TNRC6A: variants seen among roughly 807,000 people sequenced by gnomAD.
TNRC6A encodes trinucleotide repeat-containing gene 6A protein.
TNRC6A carries 44 observed loss-of-function variants against 221.2 expected under a neutral mutation model. The ratio of observed to expected loss-of-function variants is 0.20; its 90% CI spans 0.16 to 0.26. The LOEUF is 0.26. TNRC6A is among the 10% of genes least tolerant of loss of function. The pLI is 1.00. For synonymous variants in TNRC6A, 847 were observed against 838.5 expected, an observed-to-expected ratio of 1.01 and a Z score of -0.18; for missense variants, 2,199 against 2,404.4, an observed-to-expected ratio of 0.91 and a Z score of 1.79.
In TNRC6A at chr16:24,793,636, A is replaced by G. The variant is rs1470717846; in HGVS notation, c.3339A>G (p.Ala1113=). The change falls in exon 7 of 25, where the codon GCA becomes GCG. Residue 1113 remains alanine (A), a synonymous_variant. Transcript: ENST00000395799. ...GCTCCAGCTCTGTTGGTCCACAAGC[A>G]TTAAGCAAATCTGGTAAGTTATTGA... ...TWGSSSVGPQ[A]LSKSGPKSMQ... is the part of the protein sequence containing the mutation. 6.7e-7 allele frequency: 1 copy of G among 1,497,074 alleles called. No individual in the cohort carries two copies. Among genetic ancestry groups the G allele is most frequent in the South Asian group, 1.5e-5 (1 of 67,962 alleles). The allele number at this position is 1,497,074 out of a possible 1,614,324, so 92.7% of individuals were successfully genotyped here.
At position 24,671,464 on chromosome 16, in the gene TNRC6A, G is replaced by A. The variant is rs115329854; in HGVS notation, n.402+30455G>A. Among the ~76,000 whole-genome samples, 660 of 152,284 alleles carry A rather than the reference G, an allele frequency of 4.3e-3. 4 individuals are homozygous for A. Among genetic ancestry groups the A allele is most frequent in the African/African-American group, 0.015 (636 of 41,554 alleles). Reference sequence around the variant, plus strand: ...GGTGGAGGATGCTGGTTGGAATGATGGTGATGGCAATGGCTCATTTATTCA... The same window carrying A: ...GGTGGAGGATGCTGGTTGGAATGATAGTGATGGCAATGGCTCATTTATTCA... On this transcript the variant is annotated intron_variant and non_coding_transcript_variant, in intron 2 of 2. Coordinates refer to the TNRC6A transcript ENST00000566108.
At chr16:24,676,885 ACTTT>A (rs1225201354) in intron 2 of TNRC6A, among the ~76,000 whole-genome samples, 1 of 151,480 alleles carries the variant, frequency 6.6e-6, no homozygotes, top group Non-Finnish European at 1.5e-5. Flanking sequence ...TGTTCCTTTT[ACTTT>A]CTGTTTTCTT....
Position 24,823,355 on chromosome 16 carries a change from T to A in TNRC6A, c.5514-77T>A. On this transcript the variant is annotated intron_variant, in intron 24 of 24. Transcript: ENST00000395799. This position sits in a 1 kb window ranked among gnomAD's most constrained non-coding sequence, Gnocchi z 4.3. ...CTGTGGCTTTTCTAGCAGAGACAAG[T>A]TGCACCCTCACTTGTGAGTGAATGA... The A allele has an allele frequency of 1.3e-6, 2 of 1,517,082 alleles. No individual in the cohort carries two copies. Among genetic ancestry groups the A allele is most frequent in the Non-Finnish European group, 1.8e-6 (2 of 1,129,710 alleles). The allele number at this position is 1,517,082 out of a possible 1,614,324, so 94.0% of individuals were successfully genotyped here.
Position 24,729,682 on chromosome 16 carries a change from TGTCGGCGGCGGCGGCGGC to T in TNRC6A, c.-158_-141del, listed in dbSNP as rs2056565575. 11 of 677,830 alleles carry T rather than the reference TGTCGGCGGCGGCGGCGGC, an allele frequency of 1.6e-5. No individual in the cohort carries two copies. Among genetic ancestry groups the T allele is most frequent in the South Asian group, 4.7e-5 (1 of 21,138 alleles). 42.0% of individuals were successfully genotyped at this position (677,830 alleles called of 1,614,324 possible). On this transcript the variant is annotated 5_prime_UTR_variant, in exon 1 of 25. Transcript: ENST00000395799. ...GGTCTGGGGCCTGCGGCGGCGGCGG[TGTCGGCGGCGGCGGCGGC>T]GGCGGCGGCGGCGGCGGCAGCGGGT...
At chr16:24,746,857 A>C (rs2057021708) in intron 2 of TNRC6A, among the ~76,000 whole-genome samples, 1 of 152,190 alleles carries the variant, frequency 6.6e-6, no homozygotes, top group South Asian at 2.1e-4. Context: ...TCTACCTCCA[A>C]GGTGTACCCT....
chr16:24,622,521 G>A (rs776400949), intron 1 of TNRC6A, among the ~76,000 whole-genome samples: 1 of 152,122 alleles, frequency 6.6e-6, no homozygotes, highest in Non-Finnish European at 1.5e-5. Context: ...TGGAACCCAG[G>A]AGGCAGAGGT....
At chr16:24,612,151 A>T (rs934003671) in intron 1 of TNRC6A, among the ~76,000 whole-genome samples, 8 of 152,186 alleles carry the variant, frequency 5.3e-5, no homozygotes, top group African/African-American at 1.9e-4. Flanking sequence ...TCATGGCAGT[A>T]TCTGTAGCCC....
chr16:24,611,315 AC>A (rs780353127), intron 1 of TNRC6A, among the ~76,000 whole-genome samples: 12 of 152,160 alleles, frequency 7.9e-5, no homozygotes, highest in Non-Finnish European at 1.5e-4. Context: ...TTTCACTAAG[AC>A]AGTGTAGAAT....
At chr16:24,685,429 C>T (rs1321089757) in intron 2 of TNRC6A, among the ~76,000 whole-genome samples, 1 of 152,114 alleles carries the variant, frequency 6.6e-6, no homozygotes, top group African/African-American at 2.4e-5. Context: ...CTCCGCCTCC[C>T]AGGCTCAAGT....
At chr16:24,797,597 TCCTC>T (rs1283138314) in intron 10 of TNRC6A, 27 bp downstream of exon 10, 1 of 1,523,142 alleles carries the variant, frequency 6.6e-7, no homozygotes, top group Non-Finnish European at 9.0e-7. Flanking sequence ...AGCAGCTCCT[TCCTC>T]TTTTAATGGT....
chr16:24,689,634 C>G (rs1486924484), intron 2 of TNRC6A, among the ~76,000 whole-genome samples: 1 of 152,042 alleles, frequency 6.6e-6, no homozygotes, highest in East Asian at 1.9e-4. Flanking sequence ...AGGGATAGAG[C>G]AATGAACAAG....
intron 2 of TNRC6A, among the ~76,000 whole-genome samples, chr16:24,717,573 G>A (rs2056335766): frequency 6.6e-6 from 1 of 152,088 alleles, no homozygotes; most frequent in African/African-American, 2.4e-5. Flanking sequence ...CGAGCATCAT[G>A]GAAAGAATGT....
intron 7 of TNRC6A, among the ~76,000 whole-genome samples, 155 bp downstream of exon 7, chr16:24,793,804 G>A (rs542221504): frequency 6.6e-6 from 1 of 152,110 alleles, no homozygotes; most frequent in Admixed American, 6.5e-5. Context: ...CTTTGATTTT[G>A]TAACGTGGTT....
chr16:24,698,373 G>A (rs1243657893), intron 2 of TNRC6A, among the ~76,000 whole-genome samples: 1 of 152,064 alleles, frequency 6.6e-6, no homozygotes, highest in African/African-American at 2.4e-5. Flanking sequence ...TGCCATTTGA[G>A]GCACCAGCAG....
chr16:24,627,883 G>C (rs1366519191), intron 1 of TNRC6A, among the ~76,000 whole-genome samples: 3 of 150,646 alleles, frequency 2.0e-5, no homozygotes, highest in African/African-American at 7.3e-5. Flanking sequence ...ATTTTTAGTA[G>C]AGATGGGGTT....
At chr16:24,637,746 C>T (rs1395022033) in intron 1 of TNRC6A, among the ~76,000 whole-genome samples, 2 of 152,032 alleles carry the variant, frequency 1.3e-5, no homozygotes, top group Non-Finnish European at 2.9e-5. Flanking sequence ...AAGCAAGGCA[C>T]GTAGAGTACA....
intron 2 of TNRC6A, among the ~76,000 whole-genome samples, chr16:24,706,537 C>T (rs568086840): frequency 1.3e-5 from 2 of 151,912 alleles, no homozygotes; most frequent in South Asian, 2.1e-4. Flanking sequence ...CGGTGAAACC[C>T]CATCTCCACT....
intron 1 of TNRC6A, among the ~76,000 whole-genome samples, chr16:24,627,626 G>C (rs1901090817): frequency 6.6e-6 from 1 of 150,708 alleles, no homozygotes; most frequent in African/African-American, 2.4e-5. Flanking sequence ...TTTGACCCCT[G>C]ATGTGTTCTT....
upstream of TNRC6A, chr16:24,729,573 G>A (rs896250618): frequency 1.8e-5 from 7 of 386,934 alleles, no homozygotes; most frequent in South Asian, 9.4e-5. Context: ...CCCAATCTGC[G>A]GGTCCAGTTG....
Sources: allele counts gnomAD v4.1 joint callset (sites outside exome capture counted in the v4.1 genomes callset), GRCh38; gene constraint gnomAD v4.1.1; non-coding constraint Gnocchi (gnomAD v3.1); transcripts MANE v1.5; gene names NCBI Gene and HGNC (gene_info 2026-07-23, HGNC 2026-07-21).